The following ANKFY1 variants were observed in gnomAD, a reference collection of about 807,000 sequenced individuals.
ANKFY1 encodes the protein ankyrin repeat and FYVE domain-containing protein 1.
Under a neutral mutation model 128.3 loss-of-function variants are expected in ANKFY1, and 47 were observed. That is an observed-to-expected ratio of 0.37 (90% confidence interval 0.29 to 0.47). The LOEUF (loss-of-function observed/expected upper bound fraction) is 0.47. Among genes scored for constraint, ANKFY1 ranks in the 20% least tolerant of loss-of-function variants. The pLI, the probability that ANKFY1 is intolerant of heterozygous loss-of-function variation, is 1.00. For missense variants in ANKFY1, 1,222 were observed against 1,510.6 expected (o/e 0.81, Z 3.17); for synonymous variants, 553 against 601.6 (o/e 0.92, Z 1.18).
intron 3 of ANKFY1, among the ~76,000 whole-genome samples, chr17:4,234,831 A>T (rs1360912869): frequency 1.3e-5 from 2 of 152,192 alleles, no homozygotes; most frequent in Non-Finnish European, 2.9e-5. Flanking sequence ...TTTTAAAAAC[A>T]AATTGTATTG....
rs182470003 is a variant in ANKFY1, at chr17:4,245,913, A to T, written c.11-3465T>A. ...ACAAAAATTATCTGGGTGTGGTGGCACACAACTGTAGTCCCAGCCACTCAG... is the reference window on the plus strand; with the variant it reads ...ACAAAAATTATCTGGGTGTGGTGGCTCACAACTGTAGTCCCAGCCACTCAG... On this transcript the variant is annotated intron_variant, in intron 1 of 24. Coordinates refer to ENST00000341657, the MANE Select transcript of ANKFY1 (RefSeq NM_001330063.2). Among the ~76,000 whole-genome samples, 563 of 152,106 alleles carry T rather than the reference A, an allele frequency of 3.7e-3. 3 individuals are homozygous for T. The highest frequency in any genetic ancestry group is 0.017 in the Middle Eastern group (5 of 294).
chr17:4,169,222 C>A lies in ANKFY1; in HGVS notation c.3353G>T (p.Gly1118Val). The A allele has an allele frequency of 1.3e-6, 2 of 1,552,816 alleles. No individual in the cohort carries two copies. The highest frequency in any genetic ancestry group is 1.7e-6 in the Non-Finnish European group (2 of 1,147,716). Residue 1118 changes from glycine to valine, a missense_variant, in exon 24 of 25, where the codon GGA becomes GTA. Coordinates refer to ENST00000341657, the MANE Select transcript of ANKFY1 (RefSeq NM_001330063.2). This position sits in a 1 kb window ranked among gnomAD's most constrained non-coding sequence, Gnocchi z 5.0. ...CCAGTGGTGTTTGCGAGTGGTGACT[C>A]CGAACCTGGCAGTGCACTCATAGCA... ...SYCYECTARF[G>V]VTTRKHHCRH...
At chr17:4,252,376 G>T (rs1043905489) in intron 1 of ANKFY1, among the ~76,000 whole-genome samples, 1 of 152,010 alleles carries the variant, frequency 6.6e-6, no homozygotes, top group Non-Finnish European at 1.5e-5. Flanking sequence ...AGAACAGCTG[G>T]GCAACAGAGT....
chr17:4,207,897 T>C lies in ANKFY1; in HGVS notation c.732+36A>G, dbSNP rs1349686617. On this transcript the variant is annotated intron_variant, in intron 6 of 24. Coordinates refer to ENST00000341657, the MANE Select transcript of ANKFY1 (RefSeq NM_001330063.2). ...GGAGAAAGACAAGTGCATTAGAGTTTCGGGAAATGAAGAATGGAAAAGGCA... is the reference window on the plus strand; with the variant it reads ...GGAGAAAGACAAGTGCATTAGAGTTCCGGGAAATGAAGAATGGAAAAGGCA... The C allele has an allele frequency of 2.0e-6, 3 of 1,534,732 alleles. No individual in the cohort carries two copies. The East Asian group carries it at 7.2e-5, about 37-fold the overall frequency.
chr17:4,228,623 G>A (rs2143201028), intron 3 of ANKFY1, among the ~76,000 whole-genome samples: 2 of 152,232 alleles, frequency 1.3e-5, no homozygotes, highest in Admixed American at 1.3e-4. Flanking sequence ...CGCCATGTTA[G>A]CTAGGCTGGT....
Position 4,235,757 on chromosome 17 carries a change from C to A in ANKFY1, c.322+15G>T. On this transcript the variant is annotated intron_variant, in intron 3 of 24. Transcript: ENST00000341657. Reference sequence around the variant, plus strand: ...CCGCTAGCAGTTTTGTGTCCCTGATCACTCAAAGGCTCACCTGACAGGTCC... The same window carrying A: ...CCGCTAGCAGTTTTGTGTCCCTGATAACTCAAAGGCTCACCTGACAGGTCC... 1 of 1,595,914 alleles carries A rather than the reference C, an allele frequency of 6.3e-7. No homozygotes were observed. Among genetic ancestry groups the A allele is most frequent in the Non-Finnish European group, 8.6e-7 (1 of 1,164,106 alleles).
intron 20 of ANKFY1, 133 bp downstream of exon 20, chr17:4,173,776 G>C: frequency 7.9e-7 from 1 of 1,266,126 alleles, no homozygotes. Flanking sequence ...GCTCTACCCA[G>C]AGCACTTCCT....
chr17:4,185,229 G>A (rs934883022), intron 11 of ANKFY1, among the ~76,000 whole-genome samples, 183 bp from the exon 12 acceptor site: 2 of 152,044 alleles, frequency 1.3e-5, no homozygotes, highest in South Asian at 2.1e-4. Context: ...GTTTTGAGAC[G>A]GAGTCCCGCT....
chr17:4,190,049 C>T (rs562973989), intron 10 of ANKFY1, among the ~76,000 whole-genome samples: 3 of 152,150 alleles, frequency 2.0e-5, no homozygotes, highest in Non-Finnish European at 2.9e-5. Flanking sequence ...AGTGGTGCTA[C>T]GGACATTTTG....
intron 4 of ANKFY1, among the ~76,000 whole-genome samples, chr17:4,213,892 GC>G (rs1220885478): frequency 6.6e-6 from 1 of 152,024 alleles, no homozygotes; most frequent in Admixed American, 6.6e-5. Flanking sequence ...ATATTTCTAA[GC>G]CTCAGTTTTC....
intron 3 of ANKFY1, among the ~76,000 whole-genome samples, chr17:4,232,997 T>C (rs1409036995): frequency 6.6e-6 from 1 of 151,260 alleles, no homozygotes; most frequent in Non-Finnish European, 1.5e-5. Flanking sequence ...AGAAGTCAGA[T>C]AATGAAGAAA....
intron 3 of ANKFY1, chr17:4,222,823 G>C: frequency 1.0e-6 from 1 of 973,490 alleles, no homozygotes; most frequent in Non-Finnish European, 1.7e-6. Flanking sequence ...AGTGCCAGCA[G>C]GAGTTCCCAA....
In ANKFY1 at chr17:4,210,311, T is replaced by C. The variant is rs575180624; in HGVS notation, c.459-364A>G. On this transcript the variant is annotated intron_variant, in intron 4 of 24. Coordinates refer to ENST00000341657, the MANE Select transcript of ANKFY1 (RefSeq NM_001330063.2). The stretch of plus-strand genomic sequence containing the variant: ...CTCTGTCCTTCAAAGAAAATTTAAC[T>C]GTGTGGAACACCACTTTAGTTCCCA... Among the ~76,000 whole-genome samples, 4 of 152,352 alleles carry C rather than the reference T, an allele frequency of 2.6e-5. No individual in the cohort carries two copies. The East Asian group carries it at 7.7e-4, about 29-fold the overall frequency.
At chr17:4,182,440 CTG>C in intron 14 of ANKFY1, 91 bp from the exon 15 acceptor site, 1 of 1,011,486 alleles carries the variant, frequency 9.9e-7, no homozygotes, top group Non-Finnish European at 1.4e-6. Context: ...CCAGAATCTT[CTG>C]TCTCTAATCA....
In ANKFY1 at chr17:4,178,837, G is replaced by A. The variant is rs2059455863; in HGVS notation, c.2598+20C>T. On this transcript the variant is annotated intron_variant, in intron 18 of 24. Coordinates refer to ENST00000341657, the MANE Select transcript of ANKFY1 (RefSeq NM_001330063.2). The surrounding 1 kb of genome is among the most constrained non-coding windows in gnomAD (Gnocchi z 4.1). ...CGACGCCCAGGACCATGTGGAGAAG[G>A]TCAGGTGTTATTCACTCACCTGCTC... The A allele has an allele frequency of 1.2e-6, 2 of 1,611,616 alleles. No individual in the cohort carries two copies. The highest frequency in any genetic ancestry group is 1.7e-6 in the Non-Finnish European group (2 of 1,177,976).
chr17:4,241,855 C>T (rs1056846718), intron 2 of ANKFY1, among the ~76,000 whole-genome samples: 3 of 151,390 alleles, frequency 2.0e-5, no homozygotes, highest in East Asian at 2.0e-4. Flanking sequence ...TCTGGGAGGC[C>T]GAGGCAGGCG....
At chr17:4,168,663 T>G (rs180844948) in intron 24 of ANKFY1, 4 of 152,452 alleles carry the variant, frequency 2.6e-5, no homozygotes, top group African/African-American at 9.6e-5. Context: ...AGACAGGGTT[T>G]TGACGACCCC....
chr17:4,182,129 G>A (rs1236229217), intron 15 of ANKFY1, 52 bp downstream of exon 15: 1 of 1,380,764 alleles, frequency 7.2e-7, no homozygotes, highest in Non-Finnish European at 9.5e-7. Context: ...ATCCATCTCT[G>A]ACACAACATA....
At chr17:4,205,178 A>G (rs2059999732) in intron 7 of ANKFY1, among the ~76,000 whole-genome samples, 2 of 152,186 alleles carry the variant, frequency 1.3e-5, no homozygotes, top group South Asian at 4.1e-4. Context: ...TCTCTCTTTG[A>G]TGTCTACGTG....
Sources: gnomAD v4.1 joint callset for allele counts (sites outside exome capture counted in the v4.1 genomes callset) on GRCh38, gnomAD v4.1.1 for gene constraint, Gnocchi (gnomAD v3.1) non-coding constraint, MANE v1.5 for transcripts, NCBI Gene and HGNC (gene_info 2026-07-23, HGNC 2026-07-21) for gene names.